RGS6: variants seen among roughly 807,000 people sequenced by gnomAD.
The protein encoded by RGS6 is regulator of G protein signaling 6.
Under a neutral mutation model 78.5 loss-of-function variants are expected in RGS6, and 30 were observed. The observed-to-expected ratio is 0.38, with a 90% CI of 0.29 to 0.52. The LOEUF (loss-of-function observed/expected upper bound fraction) is 0.52. RGS6 is among the 20% of genes least tolerant of loss of function. The probability of loss-of-function intolerance (pLI) is 0.85; values close to 1 mark genes in which losing one functional copy is unlikely to be tolerated. For missense variants in RGS6, 495 were observed against 609.7 expected, an observed-to-expected ratio of 0.81 and a Z score of 1.98; for synonymous variants, 206 against 206.0, an observed-to-expected ratio of 1.00 and a Z score of 0.00.
chr14:72,605,958 C>T, the RGS6 span, among the ~76,000 whole-genome samples: 7 of 152,156 alleles, frequency 4.6e-5, no homozygotes, highest in African/African-American at 1.7e-4. Context: ...CAGATCAAAT[C>T]GGAGCTGTGC....
At chr14:72,240,609 G>A (rs546820006) in intron 2 of RGS6, among the ~76,000 whole-genome samples, 2 of 152,012 alleles carry the variant, frequency 1.3e-5, no homozygotes, top group East Asian at 3.9e-4. Context: ...AGTACCTCAG[G>A]GAATTTTTCA....
At chr14:72,357,567 G>T (rs2080583283) in intron 3 of RGS6, among the ~76,000 whole-genome samples, 1 of 152,246 alleles carries the variant, frequency 6.6e-6, no homozygotes, top group African/African-American at 2.4e-5. Context: ...TCGTTATGCT[G>T]TAGCAAAGTC....
intron 2 of RGS6, among the ~76,000 whole-genome samples, chr14:72,206,207 G>A (rs1599490756): frequency 6.6e-6 from 1 of 152,112 alleles, no homozygotes; most frequent in Non-Finnish European, 1.5e-5. Flanking sequence ...GCTTATGCCT[G>A]TAATCCCAGA....
At chr14:72,619,162 T>C in the RGS6 span, 5,721 of 852,846 alleles carry the variant, frequency 6.7e-3, 230 homozygotes, top group African/African-American at 0.085. Flanking sequence ...GTTCCATGTG[T>C]CCCTGCCCCT....
chr14:72,410,887 A>G (rs1452935045), intron 3 of RGS6, among the ~76,000 whole-genome samples: 31 of 152,056 alleles, frequency 2.0e-4, no homozygotes, highest in Admixed American at 1.4e-3. Flanking sequence ...GTAGATATGC[A>G]GCATTATTTC....
At chr14:72,409,924 T>C (rs1288401599) in intron 3 of RGS6, among the ~76,000 whole-genome samples, 1 of 152,204 alleles carries the variant, frequency 6.6e-6, no homozygotes, top group Non-Finnish European at 1.5e-5. Flanking sequence ...TAGTATTCCA[T>C]GTTGTATATG....
At chr14:72,610,386 G>A in the RGS6 span, among the ~76,000 whole-genome samples, 26 of 152,186 alleles carry the variant, frequency 1.7e-4, no homozygotes, top group Non-Finnish European at 3.2e-4. Flanking sequence ...CCACCCAGAG[G>A]AATCCCAGCG....
chr14:72,011,126 C>CT (rs2085603300), intron 2 of RGS6, among the ~76,000 whole-genome samples: 1 of 152,238 alleles, frequency 6.6e-6, no homozygotes, highest in South Asian at 2.1e-4. Context: ...TTTTCCTCCT[C>CT]TTTGAGTCTC....
At chr14:72,473,401 A>ATG (rs2096144661) in intron 9 of RGS6, among the ~76,000 whole-genome samples, 1 of 152,132 alleles carries the variant, frequency 6.6e-6, no homozygotes, top group Non-Finnish European at 1.5e-5. Context: ...CCGAGAGCGC[A>ATG]CCACTGCACT....
intron 2 of RGS6, among the ~76,000 whole-genome samples, chr14:72,039,824 T>G (rs190160566): frequency 2.8e-4 from 42 of 149,496 alleles, no homozygotes; most frequent in African/African-American, 8.8e-4. Flanking sequence ...TTTTTTTTTT[T>G]TTTTTTTTGG....
the RGS6 span, among the ~76,000 whole-genome samples, chr14:71,904,819 T>TGATATTTGGCTTTTCCG: frequency 1.3e-5 from 2 of 151,532 alleles, no homozygotes; most frequent in East Asian, 3.9e-4. Flanking sequence ...ATACTTTTCC[T>TGATATTTGGCTTTTCCG]GATATTTGGC....
chr14:72,245,247 A>G (rs1327878893), intron 2 of RGS6, among the ~76,000 whole-genome samples: 1 of 152,238 alleles, frequency 6.6e-6, no homozygotes, highest in African/African-American at 2.4e-5. Context: ...CTTTGCTGAG[A>G]CCAGCTCAGT....
chr14:72,194,831 T>G (rs1387772218), intron 2 of RGS6, among the ~76,000 whole-genome samples: 1 of 151,868 alleles, frequency 6.6e-6, no homozygotes, highest in East Asian at 1.9e-4. Context: ...CCAAGGTGGG[T>G]GTTCTTAAAA....
intron 4 of RGS6, among the ~76,000 whole-genome samples, chr14:72,456,064 T>C (rs1264276486): frequency 1.3e-5 from 2 of 152,190 alleles, no homozygotes; most frequent in African/African-American, 4.8e-5. Context: ...TCCTGAATGA[T>C]GAGAGTTATT....
chr14:71,985,289 A>T (rs1371312896), intron 2 of RGS6, among the ~76,000 whole-genome samples: 4 of 152,018 alleles, frequency 2.6e-5, no homozygotes, highest in Admixed American at 2.6e-4. Context: ...ATGCCCAGCT[A>T]ATTTTTGTAT....
chr14:72,394,942 T>C (rs1212600233), intron 3 of RGS6, among the ~76,000 whole-genome samples: 1 of 152,192 alleles, frequency 6.6e-6, no homozygotes, highest in Non-Finnish European at 1.5e-5. Flanking sequence ...GGGAACTAAT[T>C]AGCGTCCATG....
At chr14:72,459,882 G>A (rs1033048355) in intron 6 of RGS6, among the ~76,000 whole-genome samples, 199 bp downstream of exon 6, 10 of 152,190 alleles carry the variant, frequency 6.6e-5, no homozygotes, top group African/African-American at 1.9e-4. Flanking sequence ...ACTGAAAGAT[G>A]TAGTCCTTGG....
chr14:72,624,898 C>T, the RGS6 span, among the ~76,000 whole-genome samples: 5 of 152,114 alleles, frequency 3.3e-5, no homozygotes, highest in African/African-American at 4.8e-5. Flanking sequence ...CCCTTCTTGG[C>T]GCATCATATC....
intron 2 of RGS6, among the ~76,000 whole-genome samples, chr14:72,195,434 C>T (rs2039849227): frequency 1.3e-5 from 2 of 152,000 alleles, no homozygotes; most frequent in African/African-American, 2.4e-5. Context: ...TCTTTAAAGC[C>T]ATAAGACCAG....
Sources: allele counts gnomAD v4.1 joint callset (sites outside exome capture counted in the v4.1 genomes callset), GRCh38; gene constraint gnomAD v4.1.1; transcripts MANE v1.5; gene names NCBI Gene and HGNC (gene_info 2026-07-23, HGNC 2026-07-21).